Variants in MTTP observed in about 807,000 individuals in gnomAD.
MTTP encodes microsomal triglyceride transfer protein, also known as microsomal triglyceride transfer protein large subunit.
A neutral mutation model predicts 90.6 loss-of-function variants in MTTP; 49 were observed. That is an observed-to-expected ratio of 0.54 (90% confidence interval 0.43 to 0.69). MTTP has a LOEUF of 0.69. MTTP is among the 30% of genes least tolerant of loss of function. MTTP has a pLI of 0.00. For synonymous variants in MTTP, 347 were observed against 384.2 expected (o/e 0.90, Z 1.13); for missense variants, 945 against 1,067.5 (o/e 0.89, Z 1.60).
intron 1 of MTTP, among the ~76,000 whole-genome samples, chr4:99,575,585 T>TA (rs1486734275): frequency 6.6e-6 from 1 of 152,206 alleles, no homozygotes; most frequent in African/African-American, 2.4e-5. Flanking sequence ...TGTTGCTACT[T>TA]ACAGTTTCTA....
intron 3 of MTTP, among the ~76,000 whole-genome samples, chr4:99,587,321 T>C (rs1725281475): frequency 6.6e-6 from 1 of 152,146 alleles, no homozygotes; most frequent in Admixed American, 6.6e-5. Context: ...GATGTGTTCA[T>C]TTTTCTAGTT....
In MTTP at chr4:99,606,882, A is replaced by C. The variant is rs2110228759; in HGVS notation, c.1479A>C (p.Ala493=). 1.2e-6 allele frequency: 2 copies of C among 1,614,070 alleles called. No homozygotes were observed. Among genetic ancestry groups the C allele is most frequent in the Non-Finnish European group, 1.7e-6 (2 of 1,179,986 alleles). The change falls in exon 11 of 18, where the codon GCA becomes GCC. Residue 493 remains alanine (A), a synonymous_variant. Coordinates refer to ENST00000265517, the MANE Select transcript of MTTP (RefSeq NM_001386140.1). ...PEGIPSLLKY[A]EAGEGPISHL... ...GCATCCCAAGTCTTCTGAAGTATGC[A>C]GAAGCAGGAGAAGGGCCCATCAGCC...
At chr4:99,564,130 G>T in exon 1 of MTTP, 1 of 1,535,578 alleles carries the variant, frequency 6.5e-7, no homozygotes, top group Middle Eastern at 1.7e-4. Context: ...GCGGGGCGGG[G>T]TCTGGAGTTA....
chr4:99,578,871 T>C (rs941991942), intron 1 of MTTP, among the ~76,000 whole-genome samples: 6 of 152,224 alleles, frequency 3.9e-5, no homozygotes, highest in Admixed American at 2.6e-4. Context: ...GCTCTGAGGA[T>C]TAGATAAGAC....
intron 2 of MTTP, among the ~76,000 whole-genome samples, chr4:99,582,405 A>G (rs1377694226): frequency 6.6e-6 from 1 of 152,184 alleles, no homozygotes; most frequent in Non-Finnish European, 1.5e-5. Flanking sequence ...AGAAGGGTCA[A>G]TAATCCATGT....
At chr4:99,592,483 C>G (rs1725453989) in intron 6 of MTTP, among the ~76,000 whole-genome samples, 1 of 151,812 alleles carries the variant, frequency 6.6e-6, no homozygotes, top group African/African-American at 2.4e-5. Flanking sequence ...AATATTTTTT[C>G]TTTAAATCTT....
At chr4:99,570,616 G>A, upstream of MTTP, 2 of 447,990 alleles carry the variant, frequency 4.5e-6, no homozygotes, top group Non-Finnish European at 4.5e-6. Context: ...CAGAACCTGT[G>A]ATAGTCTAAG....
At chr4:99,591,103 A>G (rs1020392830) in intron 4 of MTTP, 132 bp from the exon 5 acceptor site, 2 of 724,186 alleles carry the variant, frequency 2.8e-6, no homozygotes, top group African/African-American at 3.5e-5. Context: ...TTGTCTTTGT[A>G]TCTTATCATC....
rs1228047521 is a variant in MTTP at position 99,582,053 on chromosome 4, G to A, written c.210G>A (p.Arg70=). Residue 70 remains arginine (R), a synonymous_variant, in exon 2 of 18, where the codon AGG becomes AGA. Coordinates refer to ENST00000265517, the MANE Select transcript of MTTP (RefSeq NM_001386140.1). ...SSNVDVALLW[R]NPDGDDDQLI... Reference sequence around the variant, plus strand: ...ACGTGGATGTGGCCTTACTATGGAGGAATCCTGATGGTGATGATGACCAGT... The same window carrying A: ...ACGTGGATGTGGCCTTACTATGGAGAAATCCTGATGGTGATGATGACCAGT... 3.1e-6 allele frequency: 5 copies of A among 1,614,172 alleles called. No individual in the cohort carries two copies. The highest frequency in any genetic ancestry group is 2.2e-5 in the East Asian group (1 of 44,884).
rs72681995 is a variant in MTTP at position 99,582,002 on chromosome 4, C to A, written c.159C>A (p.Asp53Glu). The A allele has an allele frequency of 1.7e-5, 28 of 1,614,218 alleles. No homozygotes were observed. The highest frequency in any genetic ancestry group is 2.4e-5 in the Non-Finnish European group (28 of 1,180,018). The part of the protein sequence containing the change: ...LLDRGKGKLQ[D>E]SVGYRISSNV... ...ATCGGGGCAAAGGAAAACTGCAAGA[C>A]AGCGTGGGCTACCGCATTTCCTCCA... Residue 53 changes from aspartate (D) to glutamate (E), a missense_variant, in exon 2 of 18, where the codon GAC becomes GAA. Coordinates refer to ENST00000265517, the MANE Select transcript of MTTP (RefSeq NM_001386140.1).
chr4:99,581,789 A>G (rs1185480962), intron 1 of MTTP, 116 bp from the exon 2 acceptor site: 2 of 1,009,400 alleles, frequency 2.0e-6, no homozygotes, highest in African/African-American at 3.2e-5. Context: ...CCATGTTTCA[A>G]TCAGCGAATA....
At chr4:99,568,488 A>G (rs1240863166) in intron 1 of MTTP, among the ~76,000 whole-genome samples, 2 of 152,210 alleles carry the variant, frequency 1.3e-5, no homozygotes, top group Admixed American at 6.5e-5. Context: ...AAGAAGTCAA[A>G]GAAGATCTAA....
At chr4:99,568,012 A>G (rs897230532) in intron 1 of MTTP, among the ~76,000 whole-genome samples, 4 of 152,176 alleles carry the variant, frequency 2.6e-5, no homozygotes, top group Non-Finnish European at 5.9e-5. Context: ...AATATTTCAA[A>G]ACAGAGAGCA....
chr4:99,592,112 G>C (rs1017306267), intron 6 of MTTP, among the ~76,000 whole-genome samples: 15 of 152,126 alleles, frequency 9.9e-5, no homozygotes, highest in Admixed American at 5.2e-4. Context: ...GTAAGTTTTT[G>C]TGTATCTAGA....
chr4:99,578,432 G>C (rs533556482), intron 1 of MTTP, among the ~76,000 whole-genome samples: 40 of 152,270 alleles, frequency 2.6e-4, no homozygotes, highest in Admixed American at 2.4e-3. Flanking sequence ...AGCATAAACA[G>C]AGAAATACTT....
At chr4:99,591,907 G>A in intron 6 of MTTP, 117 bp downstream of exon 6, 1 of 912,324 alleles carries the variant, frequency 1.1e-6, no homozygotes, top group Non-Finnish European at 1.7e-6. Context: ...GTCATGCATT[G>A]CTTAACAATG....
intron 10 of MTTP, among the ~76,000 whole-genome samples, chr4:99,605,050 T>C (rs1463856755): frequency 6.6e-6 from 1 of 152,216 alleles, no homozygotes; most frequent in Non-Finnish European, 1.5e-5. Flanking sequence ...TTAGTTTCAT[T>C]TGTTTCTGGT....
chr4:99,600,706 C>T lies in MTTP; in HGVS notation c.1209C>T (p.Pro403=). The change falls in exon 9 of 18, where the codon CCC becomes CCT. Residue 403 remains proline, a synonymous_variant. Transcript: ENST00000265517. ...FLYACGFASH[P]NEELLRALIS... Reference sequence around the variant, plus strand: ...ATGCCTGTGGATTTGCTTCTCATCCCAATGAAGAACTCCTGAGAGCCCTCA... The same window carrying T: ...ATGCCTGTGGATTTGCTTCTCATCCTAATGAAGAACTCCTGAGAGCCCTCA... 3 of 1,613,670 alleles carry T rather than the reference C, an allele frequency of 1.9e-6. No homozygotes were observed. The highest frequency in any genetic ancestry group is 2.5e-6 in the Non-Finnish European group (3 of 1,179,736).
chr4:99,623,851 T>C lies in MTTP; in HGVS notation c.*1003T>C, dbSNP rs796899519. The C allele has an allele frequency of 4.4e-4, 67 of 152,338 alleles. No individual in the cohort carries two copies. Among genetic ancestry groups the C allele is most frequent in the African/African-American group, 1.5e-3 (63 of 41,568 alleles). The allele number at this position is 152,338 out of a possible 1,614,324, so 9.4% of individuals were successfully genotyped here. On this transcript the variant is annotated 3_prime_UTR_variant, in exon 18 of 18. Coordinates refer to ENST00000265517, the MANE Select transcript of MTTP (RefSeq NM_001386140.1). ...CATGTTGAACATTTGCAAATATTTA[T>C]TAATAAACAGATGTGGTGATAAACC...
Sources: allele counts gnomAD v4.1 joint callset (sites outside exome capture counted in the v4.1 genomes callset), GRCh38; gene constraint gnomAD v4.1.1; transcripts MANE v1.5; gene names NCBI Gene and HGNC (gene_info 2026-07-23, HGNC 2026-07-21).